Variants in NRXN3 observed in about 807,000 individuals in gnomAD.
NRXN3 encodes neurexin III.
NRXN3 carries 32 observed loss-of-function variants against 137.6 expected under a neutral mutation model. The observed-to-expected ratio is 0.23, with a 90% confidence interval of 0.18 to 0.31. The LOEUF is 0.31. Among genes scored for constraint, NRXN3 ranks in the 10% least tolerant of loss-of-function variants. The probability of loss-of-function intolerance (pLI) is 1.00; values close to 1 mark genes in which losing one functional copy is unlikely to be tolerated. For synonymous variants in NRXN3, 798 were observed against 784.5 expected, an observed-to-expected ratio of 1.02 and a Z score of -0.29; for missense variants, 1,574 against 2,062.5, an observed-to-expected ratio of 0.76 and a Z score of 4.59.
intron 10 of NRXN3, among the ~76,000 whole-genome samples, chr14:78,948,549 C>T (rs1186949160): frequency 2.0e-5 from 3 of 151,000 alleles, no homozygotes; most frequent in Admixed American, 6.6e-5. Context: ...CCAGGCGGCA[C>T]GTGATGCAGG....
intron 19 of NRXN3, among the ~76,000 whole-genome samples, chr14:79,732,092 G>GTCTC (rs1250122980): frequency 1.3e-5 from 2 of 151,870 alleles, no homozygotes; most frequent in Non-Finnish European, 2.9e-5. Context: ...CTTCCTCTTT[G>GTCTC]TCTCTATTTT....
At chr14:78,306,118 T>C (rs1017382643) in intron 4 of NRXN3, among the ~76,000 whole-genome samples, 1 of 152,218 alleles carries the variant, frequency 6.6e-6, no homozygotes, top group African/African-American at 2.4e-5. Context: ...GATTTATTAA[T>C]AAAATGTACA....
At chr14:78,822,965 T>G (rs973755524) in intron 10 of NRXN3, among the ~76,000 whole-genome samples, 1 of 152,150 alleles carries the variant, frequency 6.6e-6, no homozygotes, top group African/African-American at 2.4e-5. Flanking sequence ...CTTTCTGAAG[T>G]CTTGACCTTC....
chr14:78,807,292 T>TTGGTAAATTGCATTTACCAAATTCAAA (rs2098878193), intron 9 of NRXN3, among the ~76,000 whole-genome samples: 2 of 152,180 alleles, frequency 1.3e-5, no homozygotes, highest in African/African-American at 4.8e-5. Context: ...GGCATGTAGT[T>TTGGTAAATTGCATTTACCAAATTCAAA]TGGTAAATTG....
At chr14:78,589,095 G>A (rs961438948) in intron 4 of NRXN3, among the ~76,000 whole-genome samples, 7 of 152,280 alleles carry the variant, frequency 4.6e-5, no homozygotes, top group African/African-American at 1.4e-4. Context: ...GCTGCTTGGC[G>A]CCTGCAGGTT....
intron 20 of NRXN3, among the ~76,000 whole-genome samples, chr14:79,854,709 A>G (rs1033234190): frequency 6.6e-6 from 1 of 152,190 alleles, no homozygotes; most frequent in East Asian, 1.9e-4. Flanking sequence ...AAATGAGTTG[A>G]GTTAGCTCCA....
intron 15 of NRXN3, among the ~76,000 whole-genome samples, chr14:79,178,690 A>C: frequency 6.6e-6 from 1 of 152,248 alleles, no homozygotes; most frequent in East Asian, 1.9e-4. Context: ...TTAAAAATAC[A>C]AGAGAAAGCA....
At chr14:78,829,135 A>C (rs2887878) in intron 10 of NRXN3, among the ~76,000 whole-genome samples, 13,282 of 152,076 alleles carry the variant, frequency 0.087, 876 homozygotes, top group Non-Finnish European at 0.13. Context: ...AGGGAAAGGG[A>C]CTGTTATCTC....
chr14:78,683,973 A>C (rs928459716), intron 6 of NRXN3, among the ~76,000 whole-genome samples: 1 of 152,174 alleles, frequency 6.6e-6, no homozygotes, highest in Non-Finnish European at 1.5e-5. Context: ...ATTTTTAAGG[A>C]TGGTTTACTT....
chr14:78,245,542 G>A (rs1046282088), intron 2 of NRXN3, among the ~76,000 whole-genome samples: 3 of 152,150 alleles, frequency 2.0e-5, no homozygotes, highest in African/African-American at 4.8e-5. Flanking sequence ...AAGACTGCAG[G>A]TGTTCCTTAA....
At chr14:78,814,518 G>A (rs2098925472) in intron 10 of NRXN3, among the ~76,000 whole-genome samples, 1 of 152,188 alleles carries the variant, frequency 6.6e-6, no homozygotes, top group South Asian at 2.1e-4. Context: ...GGGAGGCTGA[G>A]GCAGGAGAAT....
rs894552827 is a variant in NRXN3, at chr14:79,325,931, TA to T, written c.3263-141282del. On this transcript the variant is annotated intron_variant, in intron 15 of 20. Coordinates refer to ENST00000335750, the MANE Select transcript of NRXN3 (RefSeq NM_001330195.2). ...TTCTTCAAAAGGAAAAAATAAAAAATAAAAAAAAGCTACTCTTGCTGGAAAG... is the reference window on the plus strand; with the variant it reads ...TTCTTCAAAAGGAAAAAATAAAAAATAAAAAAAGCTACTCTTGCTGGAAAG... Among the ~76,000 whole-genome samples, 154 of 151,624 alleles carry T rather than the reference TA, an allele frequency of 1.0e-3. 1 individual carries two copies. Among genetic ancestry groups the T allele is most frequent in the African/African-American group, 3.6e-3 (148 of 41,362 alleles).
rs370653995 is a variant in NRXN3, at chr14:78,757,841, G to T, written c.2044+42702G>T. On this transcript the variant is annotated intron_variant, in intron 8 of 20. Transcript: ENST00000335750. The stretch of plus-strand genomic sequence containing the variant: ...AATATTTGGCAAAATTGGGTGAAGG[G>T]CATATGGGAGCTTACATTAGATTCA... Among the ~76,000 whole-genome samples the T allele has an allele frequency of 3.3e-4, 51 of 152,264 alleles. No individual in the cohort carries two copies. The East Asian group carries it at 6.6e-3, about 20-fold the overall frequency.
intron 20 of NRXN3, among the ~76,000 whole-genome samples, chr14:79,831,351 T>C (rs1313801218): frequency 6.6e-6 from 1 of 152,194 alleles, no homozygotes; most frequent in Non-Finnish European, 1.5e-5. Context: ...AGAATGTTAA[T>C]GCAGAACTAG....
At chr14:79,591,840 T>A (rs1472963539) in intron 16 of NRXN3, among the ~76,000 whole-genome samples, 2 of 152,222 alleles carry the variant, frequency 1.3e-5, no homozygotes, top group Non-Finnish European at 2.9e-5. Context: ...AGTCATTTCA[T>A]GATAGACCCG....
rs146733867 is a variant in NRXN3 at position 79,493,606 on chromosome 14, A to T, written c.3444+26204A>T. On this transcript the variant is annotated intron_variant, in intron 16 of 20. Coordinates refer to ENST00000335750, the MANE Select transcript of NRXN3 (RefSeq NM_001330195.2). ...AGTTTACAAATGTAGTCTGAAATAC[A>T]CTCTATCACGGGATGAATAGGTATG... 3.3e-4 allele frequency among the ~76,000 whole-genome samples: 50 copies of T among 152,272 alleles called. No homozygotes were observed. The East Asian group carries it at 9.5e-3, about 29-fold the overall frequency.
intron 19 of NRXN3, among the ~76,000 whole-genome samples, chr14:79,781,419 A>G (rs2099113495): frequency 6.6e-6 from 1 of 152,236 alleles, no homozygotes; most frequent in African/African-American, 2.4e-5. Context: ...AAGAAACATA[A>G]CAAGCTAACA....
At chr14:78,334,588 G>GT in intron 4 of NRXN3, among the ~76,000 whole-genome samples, 1 of 152,222 alleles carries the variant, frequency 6.6e-6, no homozygotes, top group Admixed American at 6.5e-5. Context: ...GTGCGTGTTT[G>GT]TTTTTTAAAG....
At position 79,358,581 on chromosome 14, in the gene NRXN3, AAGAG is replaced by A. The variant is rs756432036; in HGVS notation, c.3263-108636_3263-108633del. Among the ~76,000 whole-genome samples, 5 of 125,968 alleles carry A rather than the reference AAGAG, an allele frequency of 4.0e-5. No individual in the cohort carries two copies. In the South Asian group the frequency reaches 1.5e-3, roughly 37 times the overall value. The allele number at this position is 125,968 out of a possible 152,430, so 82.6% of individuals were successfully genotyped here. On this transcript the variant is annotated intron_variant, in intron 15 of 20. Coordinates refer to ENST00000335750, the MANE Select transcript of NRXN3 (RefSeq NM_001330195.2). ...TCTCAAAAAAAAAAAAAAAGAAAGA[AAGAG>A]AGAAAGAAAGAAAGAAAGAAAGAGA...
Sources: gnomAD v4.1 joint callset for allele counts (sites outside exome capture counted in the v4.1 genomes callset) on GRCh38, gnomAD v4.1.1 for gene constraint, MANE v1.5 for transcripts, NCBI Gene and HGNC (gene_info 2026-07-23, HGNC 2026-07-21) for gene names.